The following PTPRN2 variants were observed in gnomAD, a reference collection of about 807,000 sequenced individuals.
The protein encoded by PTPRN2 is receptor-type tyrosine-protein phosphatase N2.
A neutral mutation model predicts 118.8 loss-of-function variants in PTPRN2; 74 were observed. The observed-to-expected ratio is 0.62, with a 90% CI of 0.52 to 0.76. PTPRN2 has a LOEUF of 0.76. PTPRN2 is among the 30% of genes least tolerant of loss of function. The pLI is 0.00. For missense variants in PTPRN2, 1,481 were observed against 1,394.4 expected, an observed-to-expected ratio of 1.06 and a Z score of -0.99; for synonymous variants, 641 against 608.0, an observed-to-expected ratio of 1.05 and a Z score of -0.80.
chr7:158,226,533 G>T (rs35995505), intron 3 of PTPRN2, among the ~76,000 whole-genome samples: 41,166 of 151,982 alleles, frequency 0.27, 6,647 homozygotes, highest in African/African-American at 0.44. Context: ...AGAGGGAAAC[G>T]GAGGCGGCAG....
intron 12 of PTPRN2, among the ~76,000 whole-genome samples, chr7:157,805,668 T>C (rs1198529195): frequency 6.6e-6 from 1 of 152,190 alleles, no homozygotes; most frequent in Non-Finnish European, 1.5e-5. Flanking sequence ...AGGGCAGGCC[T>C]TGGTCAATAT....
At chr7:157,661,507 G>C (rs1464792512) in intron 13 of PTPRN2, among the ~76,000 whole-genome samples, 2 of 152,244 alleles carry the variant, frequency 1.3e-5, no homozygotes, top group Non-Finnish European at 2.9e-5. Flanking sequence ...GCTCCGCTCT[G>C]AACCCACCGC....
intron 12 of PTPRN2, among the ~76,000 whole-genome samples, chr7:157,815,225 G>A (rs1354866832): frequency 6.6e-6 from 1 of 152,252 alleles, no homozygotes; most frequent in Admixed American, 6.5e-5. Flanking sequence ...GCTGGGAAGA[G>A]CAGGGCCAGC....
intron 11 of PTPRN2, among the ~76,000 whole-genome samples, chr7:158,007,547 G>A (rs1202707009): frequency 1.3e-5 from 2 of 152,210 alleles, no homozygotes; most frequent in Non-Finnish European, 1.5e-5. Flanking sequence ...AGCAGAGAGC[G>A]GACGATGGCC....
At chr7:158,231,551 TA>T (rs1829164309) in intron 3 of PTPRN2, among the ~76,000 whole-genome samples, 1 of 152,208 alleles carries the variant, frequency 6.6e-6, no homozygotes, top group African/African-American at 2.4e-5. Flanking sequence ...CCATTCTCAG[TA>T]ATGGACAGAT....
chr7:157,930,955 G>C (rs548646224), intron 11 of PTPRN2, among the ~76,000 whole-genome samples: 5 of 151,894 alleles, frequency 3.3e-5, no homozygotes, highest in Non-Finnish European at 7.4e-5. Flanking sequence ...GCAGCTAAGA[G>C]GCTGCACTGA....
At chr7:157,814,283 G>A (rs1806245778) in intron 12 of PTPRN2, among the ~76,000 whole-genome samples, 1 of 152,204 alleles carries the variant, frequency 6.6e-6, no homozygotes, top group Non-Finnish European at 1.5e-5. Context: ...GGATGTGCGC[G>A]TGAAGGAAAC....
chr7:158,046,197 A>G (rs113302190), intron 11 of PTPRN2, among the ~76,000 whole-genome samples: 3 of 136,510 alleles, frequency 2.2e-5, no homozygotes, highest in Admixed American at 7.3e-5. Context: ...TGATCCTGGC[A>G]TCCTGACACT....
At chr7:157,667,692 A>G (rs886420787) in intron 13 of PTPRN2, among the ~76,000 whole-genome samples, 3 of 152,248 alleles carry the variant, frequency 2.0e-5, no homozygotes, top group African/African-American at 7.2e-5. Flanking sequence ...CCCTAAATGG[A>G]AATGCTCCAC....
chr7:157,708,926 T>G (rs1462655347), intron 12 of PTPRN2, among the ~76,000 whole-genome samples: 3 of 152,196 alleles, frequency 2.0e-5, no homozygotes, highest in Non-Finnish European at 4.4e-5. Context: ...CCAGCTACTC[T>G]TCTCTACTAG....
At chr7:158,371,313 A>C (rs1316394405) in intron 2 of PTPRN2, among the ~76,000 whole-genome samples, 1 of 151,008 alleles carries the variant, frequency 6.6e-6, no homozygotes, top group Non-Finnish European at 1.5e-5. Context: ...AATAAGAGAG[A>C]CTTCCTAAAC....
intron 12 of PTPRN2, among the ~76,000 whole-genome samples, chr7:157,828,370 G>A (rs1396573638): frequency 2.0e-5 from 3 of 152,180 alleles, no homozygotes; most frequent in Non-Finnish European, 2.9e-5. Flanking sequence ...GCCCATGGAC[G>A]GAACAGCGAT....
chr7:157,578,664 A>G, intron 17 of PTPRN2, among the ~76,000 whole-genome samples: 1 of 152,240 alleles, frequency 6.6e-6, no homozygotes. Flanking sequence ...AACACTATTC[A>G]GATTAAAGCA....
chr7:157,840,851 C>T (rs1402792137), intron 12 of PTPRN2, among the ~76,000 whole-genome samples: 1 of 152,244 alleles, frequency 6.6e-6, no homozygotes, highest in Non-Finnish European at 1.5e-5. Context: ...CCTCCAGGAG[C>T]CAGAAGTGTT....
rs1413416570 is a variant in PTPRN2 at position 157,845,344 on chromosome 7, T to A, written c.1788+53329A>T. ...GATCCGCCCTCTTTTCCCTGGTGAA[T>A]CACGCAGCCTAACTCACCATGTTCC... On this transcript the variant is annotated intron_variant, in intron 12 of 22. Coordinates refer to ENST00000389418, the MANE Select transcript of PTPRN2 (RefSeq NM_002847.5). This position sits in a 1 kb window ranked among gnomAD's most constrained non-coding sequence, Gnocchi z 4.5. Among the ~76,000 whole-genome samples the A allele has an allele frequency of 6.6e-6, 1 of 151,902 alleles. No individual in the cohort carries two copies. The highest frequency in any genetic ancestry group is 2.4e-5 in the African/African-American group (1 of 41,298).
chr7:158,070,708 G>A (rs1433942550), intron 11 of PTPRN2, among the ~76,000 whole-genome samples: 7 of 131,518 alleles, frequency 5.3e-5, no homozygotes, highest in East Asian at 4.5e-4. Context: ...CCCTGGTGGC[G>A]GAGGTGCCTG....
intron 12 of PTPRN2, among the ~76,000 whole-genome samples, chr7:157,778,387 A>G (rs541373466): frequency 1.6e-4 from 24 of 152,030 alleles, no homozygotes; most frequent in African/African-American, 5.3e-4. Context: ...CCACGTGAAT[A>G]CAGGTGTTGA....
chr7:157,988,410 C>T (rs1481675872), intron 11 of PTPRN2, among the ~76,000 whole-genome samples: 1 of 152,186 alleles, frequency 6.6e-6, no homozygotes, highest in Non-Finnish European at 1.5e-5. Flanking sequence ...AGCAACTGAA[C>T]CTCCAGAGCA....
chr7:158,296,878 G>A (rs900032368), intron 3 of PTPRN2, among the ~76,000 whole-genome samples: 8 of 152,212 alleles, frequency 5.3e-5, no homozygotes, highest in African/African-American at 1.4e-4. Context: ...TGGCCACCTG[G>A]CCCACAGGAA....
Sources: allele counts gnomAD v4.1 joint callset (sites outside exome capture counted in the v4.1 genomes callset), GRCh38; gene constraint gnomAD v4.1.1; non-coding constraint Gnocchi (gnomAD v3.1); transcripts MANE v1.5; gene names NCBI Gene and HGNC (gene_info 2026-07-23, HGNC 2026-07-21).